The following GPATCH2L variants were observed in gnomAD, a reference collection of about 807,000 sequenced individuals.
GPATCH2L encodes the protein G patch domain-containing protein 2-like.
Under a neutral mutation model 57.4 loss-of-function variants are expected in GPATCH2L, and 31 were observed. The ratio of observed to expected loss-of-function variants is 0.54; its 90% CI spans 0.41 to 0.73. GPATCH2L has a LOEUF of 0.73. Among genes scored for constraint, GPATCH2L ranks in the 30% least tolerant of loss-of-function variants. The probability of loss-of-function intolerance (pLI) is 0.00; values close to 1 mark genes in which losing one functional copy is unlikely to be tolerated. For missense variants in GPATCH2L, 481 were observed against 599.9 expected, an observed-to-expected ratio of 0.80 and a Z score of 2.07; for synonymous variants, 199 against 210.7, an observed-to-expected ratio of 0.94 and a Z score of 0.48.
intron 2 of GPATCH2L, among the ~76,000 whole-genome samples, chr14:76,155,340 A>C (rs764822873): frequency 6.6e-6 from 1 of 152,250 alleles, no homozygotes; most frequent in Non-Finnish European, 1.5e-5. Flanking sequence ...GTTTATACAT[A>C]AATATTGTTG....
At chr14:76,232,021 C>CACTGCAGCCTCACTGCAGCCTCA (rs1555385029) in intron 2 of GPATCH2L, among the ~76,000 whole-genome samples, 1 of 151,338 alleles carries the variant, frequency 6.6e-6, no homozygotes. Flanking sequence ...AAGCAATCTT[C>CACTGCAGCCTCACTGCAGCCTCA]CTGCTTCAGC....
At chr14:76,188,138 T>C (rs2360977) in intron 8 of GPATCH2L, among the ~76,000 whole-genome samples, 119,830 of 152,090 alleles carry the variant, frequency 0.79, 47,806 homozygotes, top group South Asian at 0.88. Context: ...CTTAGGTTGC[T>C]TCCGAATTTT....
chr14:76,182,515 G>C (rs1417854520), intron 8 of GPATCH2L, among the ~76,000 whole-genome samples: 1 of 146,404 alleles, frequency 6.8e-6, no homozygotes, highest in Non-Finnish European at 1.5e-5. Flanking sequence ...GAGCTCAGGA[G>C]GTCAAGGTTG....
chr14:76,180,243 G>T (rs566265674), intron 7 of GPATCH2L, among the ~76,000 whole-genome samples: 119 of 152,154 alleles, frequency 7.8e-4, no homozygotes, highest in African/African-American at 2.8e-3. Flanking sequence ...AAGCTCAGAG[G>T]TTATGTAATT....
intron 2 of GPATCH2L, among the ~76,000 whole-genome samples, chr14:76,161,190 A>G (rs1451535847): frequency 6.6e-6 from 1 of 152,198 alleles, no homozygotes; most frequent in Non-Finnish European, 1.5e-5. Context: ...TAGAACAAAA[A>G]TACCTTTGGG....
At chr14:76,233,601 G>A (rs1028479361) in intron 2 of GPATCH2L, among the ~76,000 whole-genome samples, 2 of 152,098 alleles carry the variant, frequency 1.3e-5, no homozygotes, top group African/African-American at 4.8e-5. Flanking sequence ...CTGTCATAGT[G>A]TTTTTGAAGA....
Position 76,213,307 on chromosome 14 carries a change from T to C in GPATCH2L, c.*11456T>C, listed in dbSNP as rs1373868537. ...TAAAAACTTGGATTAAATGGATAAT[T>C]TTCCAGGAAGGTATAGTTTGCCAAA... On this transcript the variant is annotated 3_prime_UTR_variant, in exon 10 of 10. Coordinates refer to ENST00000261530, the MANE Select transcript of GPATCH2L (RefSeq NM_017926.4). The C allele has an allele frequency of 6.6e-6, 1 of 152,110 alleles. No individual in the cohort carries two copies. Among genetic ancestry groups the C allele is most frequent in the East Asian group, 1.9e-4 (1 of 5,196 alleles). 9.4% of individuals were successfully genotyped at this position (152,110 alleles called of 1,614,324 possible). A position where few individuals can be genotyped will look rare whatever the true frequency, so the allele number is the denominator to read the frequency against.
At chr14:76,171,294 A>T (rs8003207) in intron 3 of GPATCH2L, among the ~76,000 whole-genome samples, 3 of 150,086 alleles carry the variant, frequency 2.0e-5, no homozygotes, top group East Asian at 3.9e-4. Context: ...AAAAAAAAAG[A>T]CTGGGCGCGG....
rs2040466871 is a variant in GPATCH2L, at chr14:76,213,769, C to G, written c.*11918C>G. 6.6e-6 allele frequency: 1 copy of G among 152,170 alleles called. No homozygotes were observed. Among genetic ancestry groups the G allele is most frequent in the Non-Finnish European group, 1.5e-5 (1 of 68,014 alleles). 9.4% of individuals were successfully genotyped at this position (152,170 alleles called of 1,614,324 possible). ...CTGTGTGCCCTTCTCTCAGCTTCTT[C>G]TAATGTTAACTTACATACCAATGGT... On this transcript the variant is annotated 3_prime_UTR_variant, in exon 10 of 10. Transcript: ENST00000261530.
In GPATCH2L at chr14:76,182,718, A is replaced by G. The variant is rs369629661; in HGVS notation, c.1193+1869A>G. On this transcript the variant is annotated intron_variant, in intron 8 of 9. Coordinates refer to ENST00000261530, the MANE Select transcript of GPATCH2L (RefSeq NM_017926.4). ...TTCATTCAGCGTTTGCTGGAACCCTACTATGAGCCAGCTCTTTGTTTAGAT... is the reference window on the plus strand; with the variant it reads ...TTCATTCAGCGTTTGCTGGAACCCTGCTATGAGCCAGCTCTTTGTTTAGAT... Among the ~76,000 whole-genome samples the G allele has an allele frequency of 1.1e-4, 17 of 152,272 alleles. No individual in the cohort carries two copies. The East Asian group carries it at 3.1e-3, about 28-fold the overall frequency.
chr14:76,187,288 C>T (rs1471492204), intron 8 of GPATCH2L, among the ~76,000 whole-genome samples: 2 of 152,034 alleles, frequency 1.3e-5, no homozygotes, highest in African/African-American at 4.8e-5. Context: ...TTAATTCTTT[C>T]TTTAGGAATT....
chr14:76,225,030 A>G (rs769354259), intron 1 of GPATCH2L, among the ~76,000 whole-genome samples: 80 of 152,326 alleles, frequency 5.3e-4, no homozygotes, highest in Admixed American at 8.5e-4. Context: ...AAGCCTCAAT[A>G]TTGTAAAGAT....
rs949566746 is a variant in GPATCH2L at position 76,209,921 on chromosome 14, C to T, written c.*8070C>T. On this transcript the variant is annotated 3_prime_UTR_variant, in exon 10 of 10. Coordinates refer to ENST00000261530, the MANE Select transcript of GPATCH2L (RefSeq NM_017926.4). Reference sequence around the variant, plus strand: ...GGTTATCTGGAAAGTTGAGCTTCCTCACACATGGGAAGGTACTTCAGATGC... The same window carrying T: ...GGTTATCTGGAAAGTTGAGCTTCCTTACACATGGGAAGGTACTTCAGATGC... The T allele has an allele frequency of 6.6e-6, 1 of 152,180 alleles. No homozygotes were observed. The highest frequency in any genetic ancestry group is 1.5e-5 in the Non-Finnish European group (1 of 68,048). The allele number at this position is 152,180 out of a possible 1,614,324, so 9.4% of individuals were successfully genotyped here. A position where few individuals can be genotyped will look rare whatever the true frequency, so the allele number is the denominator to read the frequency against.
At position 76,202,002 on chromosome 14, in the gene GPATCH2L, T is replaced by C; in HGVS notation, c.*151T>C. The C allele has an allele frequency of 1.7e-6, 1 of 604,792 alleles. No individual in the cohort carries two copies. The highest frequency in any genetic ancestry group is 2.9e-5 in the East Asian group (1 of 34,512). 37.5% of individuals were successfully genotyped at this position (604,792 alleles called of 1,614,324 possible). A position where few individuals can be genotyped will look rare whatever the true frequency, so the allele number is the denominator to read the frequency against. On this transcript the variant is annotated 3_prime_UTR_variant, in exon 10 of 10. Transcript: ENST00000261530. ...CTTTCAAACACAGCAGTGGATTCTT[T>C]CTCTCAGAAGATCATGTTGTGGGAA...
intron 8 of GPATCH2L, among the ~76,000 whole-genome samples, chr14:76,187,306 C>G (rs2039804136): frequency 6.6e-6 from 1 of 152,008 alleles, no homozygotes; most frequent in Non-Finnish European, 1.5e-5. Flanking sequence ...ATTGGCCTTC[C>G]TACTGTGTTG....
At position 76,154,148 on chromosome 14, in the gene GPATCH2L, A is replaced by T. The variant is rs555540876; in HGVS notation, c.-10-206A>T. The T allele has an allele frequency of 4.2e-6, 2 of 473,478 alleles. No individual in the cohort carries two copies. Among genetic ancestry groups the T allele is most frequent in the Middle Eastern group, 5.7e-4 (1 of 1,762 alleles). The allele number at this position is 473,478 out of a possible 1,614,324, so 29.3% of individuals were successfully genotyped here. A position where few individuals can be genotyped will look rare whatever the true frequency, so the allele number is the denominator to read the frequency against. On this transcript the variant is annotated intron_variant, in intron 1 of 9. Coordinates refer to ENST00000261530, the MANE Select transcript of GPATCH2L (RefSeq NM_017926.4). This position sits in a 1 kb window ranked among gnomAD's most constrained non-coding sequence, Gnocchi z 4.4. ...TCAGGCATTTAACAAGGGACAAAACATCTATTTTTAGTGACTTAAGGAAGT... is the reference window on the plus strand; with the variant it reads ...TCAGGCATTTAACAAGGGACAAAACTTCTATTTTTAGTGACTTAAGGAAGT...
At chr14:76,161,719 T>C (rs2038593757) in intron 2 of GPATCH2L, among the ~76,000 whole-genome samples, 1 of 152,214 alleles carries the variant, frequency 6.6e-6, no homozygotes, top group Admixed American at 6.5e-5. Context: ...TATCTGTTGC[T>C]GCAGAAAAAA....
intron 2 of GPATCH2L, among the ~76,000 whole-genome samples, chr14:76,164,515 C>A (rs955760193): frequency 6.6e-6 from 1 of 152,086 alleles, no homozygotes; most frequent in Non-Finnish European, 1.5e-5. Context: ...GAGATTGGGT[C>A]TTTACTTTAT....
Position 76,212,044 on chromosome 14 carries a change from A to G in GPATCH2L, c.*10193A>G, listed in dbSNP as rs982691162. The G allele has an allele frequency of 6.6e-6, 1 of 152,090 alleles. No individual in the cohort carries two copies. The highest frequency in any genetic ancestry group is 2.4e-5 in the African/African-American group (1 of 41,420). 9.4% of individuals were successfully genotyped at this position (152,090 alleles called of 1,614,324 possible). A position where few individuals can be genotyped will look rare whatever the true frequency, so the allele number is the denominator to read the frequency against. The stretch of plus-strand genomic sequence containing the variant: ...TAATTTTTCATTGCTCATAGTAGAG[A>G]ATTAAGGTATATTGACTAGTGAAAT... On this transcript the variant is annotated 3_prime_UTR_variant, in exon 10 of 10. Transcript: ENST00000261530.
Sources: gnomAD v4.1 joint callset for allele counts (sites outside exome capture counted in the v4.1 genomes callset) on GRCh38, gnomAD v4.1.1 for gene constraint, Gnocchi (gnomAD v3.1) non-coding constraint, MANE v1.5 for transcripts, NCBI Gene and HGNC (gene_info 2026-07-23, HGNC 2026-07-21) for gene names.